Variants in CAMTA1 observed in about 807,000 individuals in gnomAD.
CAMTA1 encodes calmodulin binding transcription activator 1.
A neutral mutation model predicts 170.9 loss-of-function variants in CAMTA1; 27 were observed. The observed-to-expected ratio is 0.16, with a 90% CI of 0.12 to 0.22. The LOEUF (loss-of-function observed/expected upper bound fraction) is 0.22. Among genes scored for constraint, CAMTA1 ranks in the 10% least tolerant of loss-of-function variants. CAMTA1 has a pLI of 1.00. For missense variants in CAMTA1, 1,619 were observed against 2,217.2 expected (o/e 0.73, Z 5.42); for synonymous variants, 833 against 891.5 (o/e 0.93, Z 1.17).
At chr1:7,671,202 C>A (rs1182439536) in intron 10 of CAMTA1, among the ~76,000 whole-genome samples, 165 bp downstream of exon 10, 4 of 152,224 alleles carry the variant, frequency 2.6e-5, no homozygotes, top group Admixed American at 1.3e-4. Flanking sequence ...TAGAACGTCA[C>A]CTCCTTTGGC....
At chr1:7,483,934 C>A (rs2093578978) in intron 6 of CAMTA1, among the ~76,000 whole-genome samples, 1 of 152,172 alleles carries the variant, frequency 6.6e-6, no homozygotes, top group Non-Finnish European at 1.5e-5. Context: ...GGGCAGAGGA[C>A]CTTTCTATCA....
intron 4 of CAMTA1, among the ~76,000 whole-genome samples, chr1:7,226,896 G>A (rs957574338): frequency 6.6e-6 from 1 of 151,794 alleles, no homozygotes; most frequent in Non-Finnish European, 1.5e-5. Flanking sequence ...GCAGTGGCAC[G>A]GTCTCGGCTC....
At chr1:7,414,486 G>A (rs1295686728) in intron 5 of CAMTA1, among the ~76,000 whole-genome samples, 1 of 152,116 alleles carries the variant, frequency 6.6e-6, no homozygotes, top group Non-Finnish European at 1.5e-5. Flanking sequence ...TTTAGTCTTG[G>A]GAGAGTGTAT....
chr1:7,256,545 G>A (rs1477497003), intron 5 of CAMTA1, among the ~76,000 whole-genome samples: 1 of 152,106 alleles, frequency 6.6e-6, no homozygotes, highest in African/African-American at 2.4e-5. Context: ...GGGCGACAGC[G>A]AGACTCCGTC....
At chr1:7,020,933 G>A (rs1572490207) in intron 3 of CAMTA1, among the ~76,000 whole-genome samples, 1 of 152,214 alleles carries the variant, frequency 6.6e-6, no homozygotes, top group Admixed American at 6.5e-5. Flanking sequence ...CCTGTCCTTG[G>A]GCTAGAAGAG....
intron 3 of CAMTA1, among the ~76,000 whole-genome samples, chr1:6,925,637 C>G (rs1242901244): frequency 1.3e-5 from 2 of 152,164 alleles, no homozygotes. Flanking sequence ...TTGGTACCCT[C>G]TCTGGTTCCT....
At chr1:7,235,082 C>T (rs1663569262) in intron 4 of CAMTA1, among the ~76,000 whole-genome samples, 2 of 151,996 alleles carry the variant, frequency 1.3e-5, no homozygotes, top group Admixed American at 1.3e-4. Flanking sequence ...CCACCATGCC[C>T]AGCCAAAAAT....
intron 4 of CAMTA1, among the ~76,000 whole-genome samples, chr1:7,165,766 T>A (rs1423693950): frequency 6.6e-6 from 1 of 152,204 alleles, no homozygotes; most frequent in Non-Finnish European, 1.5e-5. Context: ...GCAATACTTT[T>A]ATCACATATT....
chr1:7,400,392 A>G (rs1449408562), intron 5 of CAMTA1, among the ~76,000 whole-genome samples: 1 of 152,066 alleles, frequency 6.6e-6, no homozygotes, highest in Non-Finnish European at 1.5e-5. Context: ...TCCTGATTTC[A>G]TTGAATTCTT....
intron 5 of CAMTA1, among the ~76,000 whole-genome samples, chr1:7,267,050 A>T (rs1040216809): frequency 2.0e-5 from 3 of 152,166 alleles, no homozygotes; most frequent in African/African-American, 7.2e-5. Flanking sequence ...ATGCTGAGTG[A>T]TGCTGGATAT....
chr1:7,374,517 T>C (rs2150076755), intron 5 of CAMTA1, among the ~76,000 whole-genome samples: 1 of 152,382 alleles, frequency 6.6e-6, no homozygotes, highest in Admixed American at 6.5e-5. Flanking sequence ...CCTAGCAGTT[T>C]GCTCCATTGC....
chr1:7,091,230 G>A (rs1641429512), intron 3 of CAMTA1, 74 bp from the exon 4 acceptor site: 1 of 1,075,974 alleles, frequency 9.3e-7, no homozygotes. Context: ...CTGGGAAACA[G>A]CAAAAACTTT....
chr1:7,186,960 AAATTCAGAGTCTTCTTAGTAGGGGGT>A (rs1386002079), intron 4 of CAMTA1, among the ~76,000 whole-genome samples: 4 of 152,074 alleles, frequency 2.6e-5, no homozygotes, highest in African/African-American at 7.2e-5. Flanking sequence ...CTGGTGGGTA[AAATTCAGAGTCTTCTTAGTAGGGGGT>A]AATTCAGAGT....
intron 3 of CAMTA1, among the ~76,000 whole-genome samples, chr1:7,005,523 T>C (rs1257496022): frequency 6.6e-6 from 1 of 152,248 alleles, no homozygotes; most frequent in Non-Finnish European, 1.5e-5. Flanking sequence ...ACTGTGGGCC[T>C]CTGTGGCAGG....
At chr1:7,492,596 CGT>C (rs376707888) in intron 6 of CAMTA1, among the ~76,000 whole-genome samples, 16,202 of 139,362 alleles carry the variant, frequency 0.12, 1,899 homozygotes, top group African/African-American at 0.33. Context: ...TACACACACG[CGT>C]GCACACACAC....
intron 5 of CAMTA1, among the ~76,000 whole-genome samples, chr1:7,451,212 T>C (rs2092816987): frequency 6.6e-6 from 1 of 152,222 alleles, no homozygotes; most frequent in African/African-American, 2.4e-5. Flanking sequence ...GATGTTCTCA[T>C]CTGCAGATTG....
At chr1:6,898,499 G>A (rs1178073549) in intron 3 of CAMTA1, among the ~76,000 whole-genome samples, 1 of 152,206 alleles carries the variant, frequency 6.6e-6, no homozygotes. Flanking sequence ...CTTGCAGTGA[G>A]CTGAGATCGC....
chr1:7,680,165 G>A lies in CAMTA1; in HGVS notation c.2914+2432G>A. 4.3e-6 allele frequency: 1 copy of A among 232,790 alleles called. No homozygotes were observed. Among genetic ancestry groups the A allele is most frequent in the South Asian group, 3.6e-5 (1 of 27,506 alleles). The allele number at this position is 232,790 out of a possible 1,614,324, so 14.4% of individuals were successfully genotyped here. ...TCCCGGGCCTCTGGCCAGCCACGGG[G>A]CCTGGCCATGAACTTTGCGTCCGGG... On this transcript the variant is annotated intron_variant, in intron 11 of 22. Transcript: ENST00000303635. This position sits in a 1 kb window ranked among gnomAD's most constrained non-coding sequence, Gnocchi z 4.4.
chr1:7,564,162 C>A (rs1472280702), intron 6 of CAMTA1, among the ~76,000 whole-genome samples: 3 of 152,220 alleles, frequency 2.0e-5, no homozygotes, highest in Non-Finnish European at 2.9e-5. Context: ...CTGGGGTGCA[C>A]CCCTCCTGGC....
Sources: gnomAD v4.1 joint callset for allele counts (sites outside exome capture counted in the v4.1 genomes callset) on GRCh38, gnomAD v4.1.1 for gene constraint, Gnocchi (gnomAD v3.1) non-coding constraint, MANE v1.5 for transcripts, NCBI Gene and HGNC (gene_info 2026-07-23, HGNC 2026-07-21) for gene names.